AKAP6: variants seen among roughly 807,000 people sequenced by gnomAD.
AKAP6 encodes A-kinase anchor protein 6.
Under a neutral mutation model 188.5 loss-of-function variants are expected in AKAP6, and 58 were observed. The ratio of observed to expected loss-of-function variants is 0.31; its 90% CI spans 0.25 to 0.38. AKAP6 has a LOEUF of 0.38. AKAP6 is among the 10% of genes least tolerant of loss of function. AKAP6 has a pLI of 1.00. For missense variants in AKAP6, 2,710 were observed against 2,740.0 expected (o/e 0.99, Z 0.24); for synonymous variants, 989 against 998.6 (o/e 0.99, Z 0.18).
chr14:32,444,613 T>C (rs1443691878), intron 2 of AKAP6, among the ~76,000 whole-genome samples: 2 of 152,156 alleles, frequency 1.3e-5, no homozygotes, highest in Non-Finnish European at 2.9e-5. Context: ...AGAAGGAATA[T>C]GTGAAATTCA....
intron 7 of AKAP6, among the ~76,000 whole-genome samples, chr14:32,674,199 G>A (rs1299546441): frequency 6.6e-6 from 1 of 152,178 alleles, no homozygotes; most frequent in African/African-American, 2.4e-5. Context: ...CAGGGGCATG[G>A]TGATCAAGAG....
intron 1 of AKAP6, among the ~76,000 whole-genome samples, chr14:32,427,217 A>G (rs1890064604): frequency 6.6e-6 from 1 of 152,210 alleles, no homozygotes; most frequent in South Asian, 2.1e-4. Context: ...AGAGGATTAG[A>G]AAGTGAGATT....
In AKAP6 at chr14:32,489,666, G is replaced by A. The variant is rs375670241; in HGVS notation, c.325-45888G>A. Among the ~76,000 whole-genome samples the A allele has an allele frequency of 3.3e-5, 5 of 152,230 alleles. No individual in the cohort carries two copies. In the East Asian group the frequency reaches 9.6e-4, roughly 29 times the overall value. ...AATAGAAACTCTTGATCAGAGAAGAGTACGTGGAATACCCTGTGGCCCTTC... is the reference window on the plus strand; with the variant it reads ...AATAGAAACTCTTGATCAGAGAAGAATACGTGGAATACCCTGTGGCCCTTC... On this transcript the variant is annotated intron_variant, in intron 2 of 13. Transcript: ENST00000280979.
intron 4 of AKAP6, among the ~76,000 whole-genome samples, chr14:32,567,952 T>TG (rs1884277132): frequency 6.9e-6 from 1 of 145,750 alleles, no homozygotes; most frequent in African/African-American, 2.6e-5. Flanking sequence ...AGAGGAGAAG[T>TG]GGGGGAAGAG....
chr14:32,617,347 T>C (rs1224660821), intron 7 of AKAP6, among the ~76,000 whole-genome samples: 1 of 135,354 alleles, frequency 7.4e-6, no homozygotes, highest in African/African-American at 2.8e-5. Flanking sequence ...TGCCACCCAG[T>C]AGCCATCTAT....
chr14:32,768,525 G>A (rs2032787790), intron 11 of AKAP6, among the ~76,000 whole-genome samples: 1 of 152,182 alleles, frequency 6.6e-6, no homozygotes, highest in Admixed American at 6.5e-5. Context: ...ATCACTGGAT[G>A]AAAAGATCTA....
At chr14:32,505,813 T>C (rs1880843652) in intron 2 of AKAP6, among the ~76,000 whole-genome samples, 1 of 152,224 alleles carries the variant, frequency 6.6e-6, no homozygotes, top group Non-Finnish European at 1.5e-5. Context: ...GTTTGAGAAT[T>C]CATTTTTTGA....
intron 9 of AKAP6, among the ~76,000 whole-genome samples, chr14:32,730,075 A>C (rs544992219): frequency 6.6e-6 from 1 of 152,314 alleles, no homozygotes; most frequent in South Asian, 2.1e-4. Flanking sequence ...CAAAAATATA[A>C]GCTCCTGACA....
intron 2 of AKAP6, chr14:32,473,826 A>T (rs1878911168): frequency 6.6e-6 from 1 of 152,176 alleles, no homozygotes; most frequent in African/African-American, 2.4e-5. Context: ...TAATAGTTAC[A>T]CTTCCTTGAC....
At chr14:32,477,517 A>C (rs77614554) in intron 2 of AKAP6, among the ~76,000 whole-genome samples, 5,596 of 152,248 alleles carry the variant, frequency 0.037, 349 homozygotes, top group African/African-American at 0.13. Context: ...GCAGTGGCTG[A>C]GGCTGGCAGG....
At chr14:32,493,378 A>G (rs1880142485) in intron 2 of AKAP6, among the ~76,000 whole-genome samples, 1 of 151,830 alleles carries the variant, frequency 6.6e-6, no homozygotes, top group African/African-American at 2.4e-5. Flanking sequence ...CTAATTTTTT[A>G]TTTTAATTCT....
intron 9 of AKAP6, among the ~76,000 whole-genome samples, chr14:32,729,313 C>A (rs1390639056): frequency 1.3e-5 from 2 of 152,056 alleles, no homozygotes; most frequent in African/African-American, 4.8e-5. Flanking sequence ...GCGGGGAAGC[C>A]TTTAGCGTAA....
At chr14:32,356,438 C>T (rs974497063) in intron 1 of AKAP6, among the ~76,000 whole-genome samples, 5 of 152,132 alleles carry the variant, frequency 3.3e-5, no homozygotes, top group Non-Finnish European at 7.4e-5. Flanking sequence ...CTTCTTATAC[C>T]TCTTCTTCCT....
chr14:32,543,799 G>A (rs1199498875), intron 3 of AKAP6, among the ~76,000 whole-genome samples: 1 of 152,148 alleles, frequency 6.6e-6, no homozygotes, highest in Non-Finnish European at 1.5e-5. Flanking sequence ...CAGGGCCGGT[G>A]TCATCTTTTG....
intron 11 of AKAP6, among the ~76,000 whole-genome samples, chr14:32,736,264 C>G (rs148872935): frequency 6.6e-5 from 10 of 152,072 alleles, no homozygotes; most frequent in African/African-American, 2.4e-4. Flanking sequence ...GATAAAAACA[C>G]ATGATTTAAT....
chr14:32,349,613 C>CAATGATGG (rs1472248621), intron 1 of AKAP6, among the ~76,000 whole-genome samples: 2 of 152,274 alleles, frequency 1.3e-5, no homozygotes, highest in East Asian at 3.9e-4. Flanking sequence ...AAAATAATAA[C>CAATGATGG]AATGATGGAT....
intron 2 of AKAP6, among the ~76,000 whole-genome samples, chr14:32,496,341 G>C (rs1372836238): frequency 6.6e-6 from 1 of 152,042 alleles, no homozygotes. Context: ...CTTTGGATAA[G>C]TTTCTCAGGA....
At chr14:32,660,015 T>C (rs1400417529) in intron 7 of AKAP6, among the ~76,000 whole-genome samples, 1 of 151,950 alleles carries the variant, frequency 6.6e-6, no homozygotes, top group East Asian at 1.9e-4. Context: ...AATATATATA[T>C]AAAGAAAGGT....
Position 32,822,575 on chromosome 14 carries a change from G to C in AKAP6, c.4762G>C (p.Asp1588His), listed in dbSNP as rs770695198. Residue 1588 changes from aspartate (D) to histidine (H), a missense_variant, in exon 13 of 14, where the codon GAC becomes CAC. Coordinates refer to ENST00000280979, the MANE Select transcript of AKAP6 (RefSeq NM_004274.5). ...FGLGIFKNGS[D>H]SLQRSTSLES... is the part of the protein sequence containing the mutation. ...ATTGGGCATCTTTAAAAATGGCAGT[G>C]ACAGCCTCCAGCGAAGCACTTCTTT... The C allele has an allele frequency of 6.2e-7, 1 of 1,614,006 alleles. No individual in the cohort carries two copies. The highest frequency in any genetic ancestry group is 1.7e-5 in the Admixed American group (1 of 59,980).
Sources: gnomAD v4.1 joint callset for allele counts (sites outside exome capture counted in the v4.1 genomes callset) on GRCh38, gnomAD v4.1.1 for gene constraint, MANE v1.5 for transcripts, NCBI Gene and HGNC (gene_info 2026-07-23, HGNC 2026-07-21) for gene names.